Variants in COL5A1 observed in about 807,000 individuals in gnomAD.
COL5A1 encodes the protein collagen alpha-1(V) chain.
In COL5A1, 16 loss-of-function variants were observed where a neutral mutation model predicts 263.7. That is an observed-to-expected ratio of 0.06 (90% CI 0.04 to 0.09). The LOEUF is 0.09. Among genes scored for constraint, COL5A1 ranks in the 10% least tolerant of loss-of-function variants. COL5A1 has a pLI of 1.00. For missense variants in COL5A1, 2,036 were observed against 2,540.5 expected, an observed-to-expected ratio of 0.80 and a Z score of 4.27; for synonymous variants, 1,012 against 1,004.5, an observed-to-expected ratio of 1.01 and a Z score of -0.14.
chr9:134,780,690 C>T (rs1837218734), intron 28 of COL5A1, among the ~76,000 whole-genome samples: 1 of 152,240 alleles, frequency 6.6e-6, no homozygotes, highest in South Asian at 2.1e-4. Context: ...CAAAGCTAAA[C>T]TACACCCCCA....
Position 134,701,352 on chromosome 9 carries a change from C to A in COL5A1, c.654+19C>A. ...GTTTGAGGTGAGCAGGAGGGCAGAC[C>A]AACCCCTGTGCCCACCAGGGCACTC... On this transcript the variant is annotated intron_variant, in intron 4 of 65. Coordinates refer to ENST00000371817, the MANE Select transcript of COL5A1 (RefSeq NM_000093.5). The A allele has an allele frequency of 1.2e-6, 2 of 1,611,462 alleles. No individual in the cohort carries two copies. The highest frequency in any genetic ancestry group is 1.7e-6 in the Non-Finnish European group (2 of 1,178,810).
At chr9:134,703,073 T>C (rs535988996) in intron 4 of COL5A1, among the ~76,000 whole-genome samples, 20 of 152,278 alleles carry the variant, frequency 1.3e-4, no homozygotes, top group African/African-American at 4.8e-4. Flanking sequence ...CTCTGTGGAA[T>C]GAGATGGGCC....
At chr9:134,736,235 A>T (rs764927582) in intron 9 of COL5A1, among the ~76,000 whole-genome samples, 3 of 152,270 alleles carry the variant, frequency 2.0e-5, no homozygotes, top group Non-Finnish European at 2.9e-5. Flanking sequence ...GTTACAGCAC[A>T]CCACAGTCAG....
At chr9:134,823,928 G>T (rs552743593) in intron 61 of COL5A1, among the ~76,000 whole-genome samples, 1 of 152,180 alleles carries the variant, frequency 6.6e-6, no homozygotes, top group African/African-American at 2.4e-5. Context: ...GTGTGCATGT[G>T]TAGTGTGTGT....
At chr9:134,643,772 G>T (rs1266967605) in intron 1 of COL5A1, among the ~76,000 whole-genome samples, 2 of 152,172 alleles carry the variant, frequency 1.3e-5, no homozygotes, top group East Asian at 3.9e-4. Flanking sequence ...ATTGCCGGGG[G>T]ACTAGGCCCT....
intron 11 of COL5A1, among the ~76,000 whole-genome samples, chr9:134,748,248 T>TGCATTTACACATGCACACAC (rs1451696109): frequency 2.0e-5 from 3 of 151,130 alleles, no homozygotes; most frequent in African/African-American, 7.3e-5. Flanking sequence ...CATGCACACA[T>TGCATTTACACATGCACACAC]GCATTTACAC....
At chr9:134,810,193 G>A in intron 43 of COL5A1, 62 bp from the exon 44 acceptor site, 1 of 1,573,818 alleles carries the variant, frequency 6.4e-7, no homozygotes, top group Non-Finnish European at 8.7e-7. Flanking sequence ...TCATTACGGG[G>A]AACAGAAAAG....
chr9:134,830,350 G>C, intron 64 of COL5A1: 3 of 658,146 alleles, frequency 4.6e-6, no homozygotes, highest in Non-Finnish European at 7.9e-6. Flanking sequence ...CCCAGCCCCC[G>C]CCACCCTGAC....
At chr9:134,707,281 C>T (rs1458065634) in intron 4 of COL5A1, among the ~76,000 whole-genome samples, 1 of 152,240 alleles carries the variant, frequency 6.6e-6, no homozygotes, top group Non-Finnish European at 1.5e-5. Flanking sequence ...CTATAAACTC[C>T]AGCTCTCCCT....
At position 134,658,220 on chromosome 9, in the gene COL5A1, G is replaced by A. The variant is rs374989412; in HGVS notation, c.109+15924G>A. Among the ~76,000 whole-genome samples the A allele has an allele frequency of 2.1e-3, 327 of 152,214 alleles. 4 individuals are homozygous for A. In the South Asian group the frequency reaches 0.03, roughly 14 times the overall value. ...CTACAACCGTGGTGGTGGGCAGCTC[G>A]CCCCTCTGTGAGCAGGCAGCACCCA... On this transcript the variant is annotated intron_variant, in intron 1 of 65. Transcript: ENST00000371817.
chr9:134,685,270 T>TCCATC (rs1564386180), intron 1 of COL5A1, among the ~76,000 whole-genome samples: 1 of 30,096 alleles, frequency 3.3e-5, no homozygotes, highest in African/African-American at 7.8e-5. Flanking sequence ...ATCCATTAAG[T>TCCATC]CATCCATCCA....
At chr9:134,739,853 G>A (rs1002479042) in intron 11 of COL5A1, among the ~76,000 whole-genome samples, 1 of 152,180 alleles carries the variant, frequency 6.6e-6, no homozygotes, top group Non-Finnish European at 1.5e-5. Flanking sequence ...AGCAAGAGCC[G>A]AGCCAGTGGG....
chr9:134,784,959 T>G (rs757972520), intron 29 of COL5A1, 30 bp from the exon 30 acceptor site: 4 of 1,378,200 alleles, frequency 2.9e-6, no homozygotes, highest in African/African-American at 1.7e-5. Flanking sequence ...CGGGGGGTGG[T>G]CTTCTCACCT....
At chr9:134,834,733 G>A (rs1035639575) in intron 64 of COL5A1, among the ~76,000 whole-genome samples, 3 of 152,190 alleles carry the variant, frequency 2.0e-5, no homozygotes, top group African/African-American at 4.8e-5. Flanking sequence ...TAAGCCAAGA[G>A]AAGTGGGTGG....
At chr9:134,646,979 G>T (rs1468647438) in intron 1 of COL5A1, among the ~76,000 whole-genome samples, 1 of 152,212 alleles carries the variant, frequency 6.6e-6, no homozygotes, top group Non-Finnish European at 1.5e-5. Flanking sequence ...TGGTTGTGAA[G>T]ATCGATTGAG....
At chr9:134,750,091 C>T (rs79208300) in intron 11 of COL5A1, among the ~76,000 whole-genome samples, 8,780 of 152,250 alleles carry the variant, frequency 0.058, 826 homozygotes, top group African/African-American at 0.2. Flanking sequence ...GCGGCTCGCT[C>T]GGAGCCCATT....
chr9:134,796,799 T>G, intron 35 of COL5A1, 49 bp from the exon 36 acceptor site: 1 of 1,571,084 alleles, frequency 6.4e-7, no homozygotes, highest in Non-Finnish European at 8.8e-7. Context: ...CGGCAGGAGC[T>G]GCTCGGGAGA....
At chr9:134,698,112 A>C (rs1833547484) in intron 2 of COL5A1, among the ~76,000 whole-genome samples, 1 of 152,178 alleles carries the variant, frequency 6.6e-6, no homozygotes, top group Admixed American at 6.5e-5. Context: ...AACCCAAAAA[A>C]ACAAAGCTGA....
intron 11 of COL5A1, among the ~76,000 whole-genome samples, chr9:134,749,927 T>C (rs962466903): frequency 1.3e-5 from 2 of 152,230 alleles, no homozygotes; most frequent in African/African-American, 4.8e-5. Context: ...GGTATGTCTG[T>C]GTGGCCAGGT....
Sources: allele counts gnomAD v4.1 joint callset (sites outside exome capture counted in the v4.1 genomes callset), GRCh38; gene constraint gnomAD v4.1.1; transcripts MANE v1.5; gene names NCBI Gene and HGNC (gene_info 2026-07-23, HGNC 2026-07-21).